GRM7: variants seen among roughly 807,000 people sequenced by gnomAD.
GRM7 encodes the protein metabotropic glutamate receptor 7.
In GRM7, 35 loss-of-function variants were observed where a neutral mutation model predicts 84.5. The observed-to-expected ratio is 0.41, with a 90% CI of 0.32 to 0.55. GRM7 has a LOEUF of 0.55. GRM7 is among the 20% of genes least tolerant of loss of function. The pLI is 0.19. For synonymous variants in GRM7, 487 were observed against 455.1 expected (o/e 1.07, Z -0.89); for missense variants, 1,003 against 1,194.6 (o/e 0.84, Z 2.36).
At chr3:6,986,707 T>C (rs532619239) in intron 1 of GRM7, among the ~76,000 whole-genome samples, 1 of 152,320 alleles carries the variant, frequency 6.6e-6, no homozygotes, top group East Asian at 1.9e-4. Flanking sequence ...GATGCCACTG[T>C]TCTAATCCTG....
chr3:7,069,610 A>T (rs1000388312), intron 1 of GRM7, among the ~76,000 whole-genome samples: 3 of 152,044 alleles, frequency 2.0e-5, no homozygotes, highest in Non-Finnish European at 4.4e-5. Flanking sequence ...GCCTCTTATG[A>T]TTTTTAGAGA....
intron 4 of GRM7, among the ~76,000 whole-genome samples, chr3:7,318,916 C>T (rs1269345997): frequency 6.6e-6 from 1 of 152,000 alleles, no homozygotes; most frequent in Non-Finnish European, 1.5e-5. Flanking sequence ...GCTTTTTTCT[C>T]TGAATTCACA....
intron 8 of GRM7, among the ~76,000 whole-genome samples, chr3:7,674,974 C>G (rs1188480210): frequency 3.9e-5 from 6 of 152,150 alleles, no homozygotes; most frequent in Admixed American, 2.6e-4. Flanking sequence ...CAGTGATTTG[C>G]CAAACATGGT....
At chr3:6,951,812 C>A (rs893569834) in intron 1 of GRM7, among the ~76,000 whole-genome samples, 1 of 152,034 alleles carries the variant, frequency 6.6e-6, no homozygotes, top group Non-Finnish European at 1.5e-5. Flanking sequence ...TCCAGTGTAC[C>A]CTTACTCACT....
chr3:7,120,065 G>A (rs2125042955), intron 1 of GRM7, among the ~76,000 whole-genome samples: 1 of 152,004 alleles, frequency 6.6e-6, no homozygotes. Flanking sequence ...AAATAAACAA[G>A]CACAAAAAGT....
chr3:7,454,108 T>A (rs1188903308), intron 6 of GRM7, among the ~76,000 whole-genome samples: 6 of 130,980 alleles, frequency 4.6e-5, no homozygotes, highest in African/African-American at 7.7e-5. Context: ...TCTCTCTCTC[T>A]CTCTCTCTCT....
intron 1 of GRM7, among the ~76,000 whole-genome samples, chr3:6,882,068 A>G (rs905938715): frequency 6.6e-6 from 1 of 151,744 alleles, no homozygotes; most frequent in Non-Finnish European, 1.5e-5. Context: ...TTCATCCTCT[A>G]CCTCTCATCC....
intron 8 of GRM7, among the ~76,000 whole-genome samples, chr3:7,672,957 GTTGT>G (rs1194403646): frequency 6.6e-6 from 1 of 152,144 alleles, no homozygotes; most frequent in Non-Finnish European, 1.5e-5. Context: ...AAAACAGGCT[GTTGT>G]TTTTCAGTGG....
chr3:6,940,339 C>T (rs1697845383), intron 1 of GRM7, among the ~76,000 whole-genome samples: 1 of 152,162 alleles, frequency 6.6e-6, no homozygotes, highest in South Asian at 2.1e-4. Flanking sequence ...ATCTGCCCAT[C>T]TCGGCCTCCG....
chr3:7,658,152 A>C (rs1398024663), intron 8 of GRM7, among the ~76,000 whole-genome samples: 3 of 152,246 alleles, frequency 2.0e-5, no homozygotes, highest in African/African-American at 7.2e-5. Flanking sequence ...GTATACATCC[A>C]TGTAAACACT....
chr3:7,680,479 G>C, intron 9 of GRM7, 184 bp downstream of exon 9: 1 of 613,126 alleles, frequency 1.6e-6, no homozygotes, highest in South Asian at 2.0e-5. Context: ...TTTTCTTTTT[G>C]TTCCTTGTTG....
chr3:7,442,598 T>G (rs1697335114), intron 5 of GRM7, among the ~76,000 whole-genome samples: 1 of 152,142 alleles, frequency 6.6e-6, no homozygotes, highest in African/African-American at 2.4e-5. Context: ...CTTAAGGAGG[T>G]GAAGGGGCAT....
chr3:7,436,339 C>G (rs1373812032), intron 5 of GRM7, among the ~76,000 whole-genome samples: 3 of 151,960 alleles, frequency 2.0e-5, no homozygotes, highest in South Asian at 2.1e-4. Context: ...TTTTTCTGAA[C>G]TAGATAATAA....
At chr3:7,500,622 A>T (rs954679843) in intron 7 of GRM7, among the ~76,000 whole-genome samples, 4 of 152,230 alleles carry the variant, frequency 2.6e-5, no homozygotes, top group African/African-American at 9.6e-5. Flanking sequence ...TGAACACTTG[A>T]AATCCAACTA....
chr3:7,598,304 G>C (rs1696146765), intron 8 of GRM7, among the ~76,000 whole-genome samples: 1 of 152,134 alleles, frequency 6.6e-6, no homozygotes, highest in Non-Finnish European at 1.5e-5. Flanking sequence ...TGCTTTGCAG[G>C]AGCAGGGGAA....
At chr3:7,498,624 G>A (rs1699782979) in intron 7 of GRM7, among the ~76,000 whole-genome samples, 1 of 152,158 alleles carries the variant, frequency 6.6e-6, no homozygotes, top group Non-Finnish European at 1.5e-5. Context: ...TGTACATAAA[G>A]CACTTGATCA....
chr3:7,481,085 T>A (rs941697952), intron 7 of GRM7, among the ~76,000 whole-genome samples: 1 of 151,974 alleles, frequency 6.6e-6, no homozygotes, highest in Non-Finnish European at 1.5e-5. Context: ...TGGTTTTTTT[T>A]TTTTCTTTTT....
chr3:7,431,451 G>A (rs969341556), intron 5 of GRM7, among the ~76,000 whole-genome samples: 1 of 152,142 alleles, frequency 6.6e-6, no homozygotes, highest in Non-Finnish European at 1.5e-5. Context: ...ATATTGATAT[G>A]TATTTGTCAA....
intron 1 of GRM7, among the ~76,000 whole-genome samples, chr3:7,021,380 C>G (rs1204204991): frequency 6.6e-6 from 1 of 152,136 alleles, no homozygotes; most frequent in Non-Finnish European, 1.5e-5. Context: ...CTACTGAGTA[C>G]ATGGAAGAGA....
Sources: allele counts gnomAD v4.1 joint callset (sites outside exome capture counted in the v4.1 genomes callset), GRCh38; gene constraint gnomAD v4.1.1; transcripts MANE v1.5; gene names NCBI Gene and HGNC (gene_info 2026-07-23, HGNC 2026-07-21).